Variants in CASD1 observed in about 807,000 individuals in gnomAD.
CASD1 encodes N-acetylneuraminate (7)9-O-acetyltransferase.
Under a neutral mutation model 100.0 loss-of-function variants are expected in CASD1, and 41 were observed. The ratio of observed to expected loss-of-function variants is 0.41; its 90% CI spans 0.32 to 0.53. The LOEUF (loss-of-function observed/expected upper bound fraction) is 0.53, where lower values mean the gene tolerates loss of function less well. Among genes scored for constraint, CASD1 ranks in the 20% least tolerant of loss-of-function variants. CASD1 has a pLI of 0.25. For missense variants in CASD1, 774 were observed against 948.7 expected, an observed-to-expected ratio of 0.82 and a Z score of 2.42; for synonymous variants, 321 against 315.6, an observed-to-expected ratio of 1.02 and a Z score of -0.18.
the CASD1 span, among the ~76,000 whole-genome samples, chr7:94,562,626 CTT>C: frequency 1.3e-5 from 2 of 149,520 alleles, no homozygotes; most frequent in African/African-American, 4.9e-5. Flanking sequence ...ATACAGTTTC[CTT>C]TTTTTTTTCT....
At chr7:94,541,254 C>T (rs556321795) in intron 10 of CASD1, among the ~76,000 whole-genome samples, 20 of 151,834 alleles carry the variant, frequency 1.3e-4, no homozygotes, top group African/African-American at 4.3e-4. Flanking sequence ...AGGGATTACT[C>T]GTACTAAAAA....
intron 3 of CASD1, among the ~76,000 whole-genome samples, chr7:94,522,169 C>A (rs1329345280): frequency 6.6e-6 from 1 of 152,146 alleles, no homozygotes; most frequent in African/African-American, 2.4e-5. Context: ...CACAGATTTT[C>A]AGATTGCTCT....
intron 2 of CASD1, among the ~76,000 whole-genome samples, chr7:94,517,888 T>C (rs555393943): frequency 5.1e-4 from 77 of 152,334 alleles, no homozygotes; most frequent in African/African-American, 1.8e-3. Context: ...CAATAATCCT[T>C]GAGCAAAAGA....
intron 13 of CASD1, among the ~76,000 whole-genome samples, chr7:94,547,625 T>C (rs1228910400): frequency 2.0e-5 from 3 of 151,708 alleles, no homozygotes; most frequent in African/African-American, 7.2e-5. Context: ...GTATCTATAG[T>C]ATGTTTAATT....
chr7:94,597,781 G>C, the CASD1 span: 2 of 152,178 alleles, frequency 1.3e-5, no homozygotes, highest in African/African-American at 4.8e-5. Context: ...GCTGAGGCAG[G>C]CAGATCACCT....
At position 94,547,161 on chromosome 7, in the gene CASD1, T is replaced by C. The variant is rs544184635; in HGVS notation, c.1699T>C (p.Leu567=). The change falls in exon 13 of 18, where the codon TTG becomes CTG. Residue 567 remains leucine (L), a synonymous_variant. Transcript: ENST00000297273. ...LGFLLLFICF[L]AYSQGAFEKI... is the part of the protein sequence containing the mutation. ...CTTTTTGCTGTTATTCATATGTTTT[T>C]TGGCATATTCTCAGGTTTGTACAAT... 5 of 1,588,614 alleles carry C rather than the reference T, an allele frequency of 3.1e-6. No individual in the cohort carries two copies. The African/African-American group carries it at 4.0e-5, about 13-fold the overall frequency.
chr7:94,553,241 C>G, intron 16 of CASD1: 1 of 233,026 alleles, frequency 4.3e-6, no homozygotes, highest in Non-Finnish European at 8.9e-6. Flanking sequence ...TATGTTTTCT[C>G]ATTTAATGTT....
the CASD1 span, among the ~76,000 whole-genome samples, chr7:94,615,473 A>G: frequency 6.6e-6 from 1 of 152,162 alleles, no homozygotes; most frequent in Non-Finnish European, 1.5e-5. Flanking sequence ...TCAGAACTCT[A>G]CTGAAATTGG....
chr7:94,544,914 G>A (rs1050445787), intron 11 of CASD1, among the ~76,000 whole-genome samples: 5 of 151,958 alleles, frequency 3.3e-5, no homozygotes, highest in African/African-American at 7.2e-5. Context: ...TTACTCCCAC[G>A]TTACAGCCTT....
chr7:94,629,299 C>A, the CASD1 span: 1 of 159,924 alleles, frequency 6.3e-6, no homozygotes, highest in Non-Finnish European at 1.4e-5. Flanking sequence ...ATAAAATTAT[C>A]TCCTATTGTA....
At chr7:94,608,677 A>G in the CASD1 span, among the ~76,000 whole-genome samples, 1 of 152,232 alleles carries the variant, frequency 6.6e-6, no homozygotes, top group African/African-American at 2.4e-5. Context: ...AAGATTTACT[A>G]TAAAGCTACA....
chr7:94,546,438 T>A (rs1795685688), intron 12 of CASD1, among the ~76,000 whole-genome samples: 1 of 151,936 alleles, frequency 6.6e-6, no homozygotes, highest in Non-Finnish European at 1.5e-5. Flanking sequence ...TTCAACCAAA[T>A]ATTATGTGTC....
the CASD1 span, among the ~76,000 whole-genome samples, chr7:94,601,536 T>G: frequency 2.0e-5 from 3 of 150,940 alleles, no homozygotes; most frequent in Non-Finnish European, 1.5e-5. Flanking sequence ...TTCACTGAGT[T>G]GCATTTAATT....
chr7:94,625,821 C>T, the CASD1 span: 33 of 152,052 alleles, frequency 2.2e-4, no homozygotes, highest in African/African-American at 7.9e-4. Context: ...TGTGGCTTTC[C>T]AGTGTTGTGC....
the CASD1 span, among the ~76,000 whole-genome samples, chr7:94,604,823 AT>A: frequency 2.3e-3 from 114 of 49,956 alleles, 10 homozygotes; most frequent in East Asian, 0.063. Context: ...ATATATATAT[AT>A]ATATATATAT....
chr7:94,572,182 T>C, the CASD1 span, among the ~76,000 whole-genome samples: 1 of 152,158 alleles, frequency 6.6e-6, no homozygotes, highest in Non-Finnish European at 1.5e-5. Flanking sequence ...ACTGGGACTC[T>C]CTAGATTTCC....
chr7:94,535,303 G>T lies in CASD1; in HGVS notation c.629-6G>T, dbSNP rs377364571. On this transcript the variant is annotated splice_polypyrimidine_tract_variant and splice_region_variant and intron_variant, in intron 7 of 17. Coordinates refer to ENST00000297273, the MANE Select transcript of CASD1 (RefSeq NM_022900.5). The stretch of plus-strand genomic sequence containing the variant: ...ATGTGTTTTTAAAAATGTGTCTCAC[G>T]TGCAGATCCTGTTTATGAAGATCTA... 2 of 1,601,328 alleles carry T rather than the reference G, an allele frequency of 1.2e-6. No homozygotes were observed. Among genetic ancestry groups the T allele is most frequent in the African/African-American group, 1.3e-5 (1 of 74,610 alleles).
intron 14 of CASD1, among the ~76,000 whole-genome samples, chr7:94,550,303 C>T (rs1795887474): frequency 6.6e-6 from 1 of 151,982 alleles, no homozygotes; most frequent in Non-Finnish European, 1.5e-5. Flanking sequence ...TAAATGTTTT[C>T]TTAGTGCCTA....
the CASD1 span, among the ~76,000 whole-genome samples, chr7:94,572,191 C>T: frequency 1.3e-5 from 2 of 152,040 alleles, no homozygotes; most frequent in Admixed American, 6.6e-5. Context: ...CTCTAGATTT[C>T]CTAAATGTGA....
Sources: gnomAD v4.1 joint callset for allele counts (sites outside exome capture counted in the v4.1 genomes callset) on GRCh38, gnomAD v4.1.1 for gene constraint, MANE v1.5 for transcripts, NCBI Gene and HGNC (gene_info 2026-07-23, HGNC 2026-07-21) for gene names.